Variants in FIP1L1 observed in about 807,000 individuals in gnomAD.
FIP1L1 encodes pre-mRNA 3'-end-processing factor FIP1.
In FIP1L1, 21 loss-of-function variants were observed where a neutral mutation model predicts 84.6. The ratio of observed to expected loss-of-function variants is 0.25; its 90% CI spans 0.18 to 0.36. The LOEUF (loss-of-function observed/expected upper bound fraction) is 0.36, where lower values mean the gene tolerates loss of function less well. Ranked by LOEUF, FIP1L1 falls within the 10% of genes least tolerant of loss-of-function variation. FIP1L1 has a pLI of 1.00. For missense variants in FIP1L1, 526 were observed against 751.1 expected (o/e 0.70, Z 3.50); for synonymous variants, 263 against 242.3 (o/e 1.09, Z -0.80).
At chr4:53,429,311 A>T (rs557589084) in intron 13 of FIP1L1, among the ~76,000 whole-genome samples, 1 of 152,360 alleles carries the variant, frequency 6.6e-6, no homozygotes, top group Admixed American at 6.5e-5. Flanking sequence ...ATTCCAGACA[A>T]CATTAGTATT....
At chr4:53,389,464 T>C (rs1432094901) in intron 5 of FIP1L1, among the ~76,000 whole-genome samples, 2 of 152,328 alleles carry the variant, frequency 1.3e-5, no homozygotes, top group East Asian at 3.9e-4. Context: ...GCTTTTTTTT[T>C]TTACTGTTTT....
At chr4:53,459,157 A>G in intron 17 of FIP1L1, 145 bp from the exon 18 acceptor site, 2 of 660,252 alleles carry the variant, frequency 3.0e-6, no homozygotes, top group East Asian at 2.7e-5. Context: ...AAAACTGATT[A>G]TTCCTCACAT....
At chr4:53,410,069 C>G (rs1756340745) in intron 10 of FIP1L1, among the ~76,000 whole-genome samples, 1 of 152,246 alleles carries the variant, frequency 6.6e-6, no homozygotes, top group African/African-American at 2.4e-5. Context: ...GCAGAAATCA[C>G]CCGTCTTCTG....
chr4:53,427,377 T>C (rs1485784892), intron 12 of FIP1L1, among the ~76,000 whole-genome samples: 4 of 152,202 alleles, frequency 2.6e-5, no homozygotes, highest in African/African-American at 9.7e-5. Flanking sequence ...AGGTTTGGGG[T>C]GCTTCTTATG....
At chr4:53,395,092 TTTC>T (rs1404538599) in intron 9 of FIP1L1, among the ~76,000 whole-genome samples, 3 of 152,234 alleles carry the variant, frequency 2.0e-5, no homozygotes, top group African/African-American at 7.2e-5. Context: ...CTTATGGTCA[TTTC>T]TTAAGATATT....
intron 7 of FIP1L1, among the ~76,000 whole-genome samples, 156 bp from the exon 8 acceptor site, chr4:53,390,852 AT>A (rs1284698958): frequency 2.6e-5 from 4 of 152,164 alleles, no homozygotes; most frequent in African/African-American, 9.7e-5. Context: ...AAAGGGAATA[AT>A]TTGATCAAAA....
chr4:53,433,158 T>C lies in FIP1L1; in HGVS notation c.1174+4975T>C, dbSNP rs117645947. On this transcript the variant is annotated intron_variant, in intron 13 of 17. Coordinates refer to ENST00000337488, the MANE Select transcript of FIP1L1 (RefSeq NM_030917.4). ...GTGGTAAAATACAATCTATTTGTCA[T>C]TTTAGCCATTTATAAATATGTAGTT... Among the ~76,000 whole-genome samples the C allele has an allele frequency of 5.4e-4, 83 of 152,358 alleles. No individual in the cohort carries two copies. The East Asian group carries it at 0.015, about 28-fold the overall frequency.
chr4:53,413,525 C>T (rs1418408562), intron 10 of FIP1L1, among the ~76,000 whole-genome samples: 1 of 151,822 alleles, frequency 6.6e-6, no homozygotes, highest in Non-Finnish European at 1.5e-5. Context: ...ATTGCATCTC[C>T]TTTTTTTTCC....
intron 11 of FIP1L1, among the ~76,000 whole-genome samples, chr4:53,417,763 ACTCTCTCTCTCTCTCTCT>A (rs58568620): frequency 0.059 from 6,210 of 105,300 alleles, 367 homozygotes; most frequent in East Asian, 0.092. Context: ...ACACACACAC[ACTCTCTCTCTCTCTCTCT>A]CTCTCTCTCT....
chr4:53,426,232 G>C (rs1465664823), intron 12 of FIP1L1, among the ~76,000 whole-genome samples: 1 of 152,044 alleles, frequency 6.6e-6, no homozygotes, highest in Non-Finnish European at 1.5e-5. Flanking sequence ...CTTGGGACCA[G>C]AAGTGTATCA....
chr4:53,445,777 A>T (rs1773931138), intron 15 of FIP1L1, among the ~76,000 whole-genome samples: 1 of 152,140 alleles, frequency 6.6e-6, no homozygotes, highest in Non-Finnish European at 1.5e-5. Context: ...TTGTCTTTGT[A>T]AACTTACATC....
rs756117540 is a variant in FIP1L1 at position 53,390,531 on chromosome 4, C to G, written c.408C>G (p.Val136=). 1 of 1,607,390 alleles carries G rather than the reference C, an allele frequency of 6.2e-7. No homozygotes were observed. Among genetic ancestry groups the G allele is most frequent in the Admixed American group, 1.7e-5 (1 of 59,436 alleles). The change falls in exon 7 of 18, where the codon GTC becomes GTG. Residue 136 remains valine (V), a synonymous_variant. Transcript: ENST00000337488. ...AATTTTATAAAACAGGGACAAAAGT[C>G]AAAGGAGTAGACCTTGATGCACCTG... ...GRVYGTTGTK[V]KGVDLDAPGS...
chr4:53,406,867 A>AT (rs1753825570), intron 10 of FIP1L1, among the ~76,000 whole-genome samples: 1 of 151,864 alleles, frequency 6.6e-6, no homozygotes, highest in African/African-American at 2.4e-5. Flanking sequence ...CCCCTTTGTC[A>AT]TTTTTTATTG....
intron 6 of FIP1L1, 83 bp downstream of exon 6, chr4:53,389,956 G>A (rs1743280185): frequency 3.9e-6 from 4 of 1,030,116 alleles, no homozygotes; most frequent in Non-Finnish European, 5.8e-6. Context: ...TTTTTTAGTC[G>A]GGGACAGAGT....
chr4:53,432,494 G>A (rs10000723), intron 13 of FIP1L1, among the ~76,000 whole-genome samples: 18,617 of 149,666 alleles, frequency 0.12, 1,209 homozygotes, highest in Non-Finnish European at 0.15. Context: ...TCATTTTCTC[G>A]TGAATCAGAA....
intron 10 of FIP1L1, among the ~76,000 whole-genome samples, chr4:53,401,205 C>G (rs955741032): frequency 6.6e-6 from 1 of 152,146 alleles, no homozygotes. Flanking sequence ...TGCTATTATA[C>G]TTAAACTATT....
intron 16 of FIP1L1, among the ~76,000 whole-genome samples, chr4:53,457,788 G>T (rs1295898937): frequency 6.6e-6 from 1 of 151,978 alleles, no homozygotes; most frequent in Non-Finnish European, 1.5e-5. Context: ...CATAAAAAAA[G>T]AAAAAGGAAG....
At chr4:53,450,753 A>G (rs1261052649) in intron 15 of FIP1L1, among the ~76,000 whole-genome samples, 1 of 152,144 alleles carries the variant, frequency 6.6e-6, no homozygotes, top group Non-Finnish European at 1.5e-5. Context: ...AAATATGTTA[A>G]TCTCCCATGA....
At chr4:53,395,020 A>G (rs1465385469) in intron 9 of FIP1L1, among the ~76,000 whole-genome samples, 1 of 152,158 alleles carries the variant, frequency 6.6e-6, no homozygotes, top group South Asian at 2.1e-4. Flanking sequence ...TTGTAGACTT[A>G]AGTTTTGTTT....
Sources: gnomAD v4.1 joint callset for allele counts (sites outside exome capture counted in the v4.1 genomes callset) on GRCh38, gnomAD v4.1.1 for gene constraint, MANE v1.5 for transcripts, NCBI Gene and HGNC (gene_info 2026-07-23, HGNC 2026-07-21) for gene names.